Variants in RARB observed in about 807,000 individuals in gnomAD.
RARB encodes retinoic acid receptor beta, also known as HBV-activated protein.
RARB carries 17 observed loss-of-function variants against 51.9 expected under a neutral mutation model. That is an observed-to-expected ratio of 0.33 (90% CI 0.22 to 0.49). The LOEUF (loss-of-function observed/expected upper bound fraction) is 0.49. RARB is among the 20% of genes least tolerant of loss of function. RARB has a pLI of 0.99. For missense variants in RARB, 369 were observed against 550.8 expected (o/e 0.67, Z 3.30); for synonymous variants, 215 against 195.4 (o/e 1.10, Z -0.84).
At chr3:25,505,363 A>T (rs559337823) in intron 3 of RARB, among the ~76,000 whole-genome samples, 1 of 152,264 alleles carries the variant, frequency 6.6e-6, no homozygotes, top group Admixed American at 6.5e-5. Context: ...ACTCTATTTT[A>T]TTGCCAGTGG....
Position 25,256,968 on chromosome 3 carries a change from C to A in RARB, c.178+82393C>A, listed in dbSNP as rs192323667. ...ATTAGCTTTGTGCTTGACATGCTTGCCCAAAATATCATACGATAAGGACTA... is the reference window on the plus strand; with the variant it reads ...ATTAGCTTTGTGCTTGACATGCTTGACCAAAATATCATACGATAAGGACTA... On this transcript the variant is annotated intron_variant, in intron 5 of 11. Transcript: ENST00000383772. Among the ~76,000 whole-genome samples the A allele has an allele frequency of 6.0e-4, 91 of 152,120 alleles. 1 individual carries two copies. In the East Asian group the frequency reaches 0.011, roughly 19 times the overall value.
intron 1 of RARB, among the ~76,000 whole-genome samples, chr3:24,842,638 C>T (rs1702433426): frequency 6.6e-6 from 1 of 152,132 alleles, no homozygotes; most frequent in Admixed American, 6.5e-5. Context: ...TCACAATTTC[C>T]TATGAGCTTA....
At chr3:24,878,454 G>C (rs1379443908) in intron 2 of RARB, among the ~76,000 whole-genome samples, 1 of 151,892 alleles carries the variant, frequency 6.6e-6, no homozygotes, top group Non-Finnish European at 1.5e-5. Flanking sequence ...CTTATGATTT[G>C]GAGTGGGAAG....
chr3:25,048,746 A>G (rs1259776435), intron 2 of RARB, among the ~76,000 whole-genome samples: 1 of 137,480 alleles, frequency 7.3e-6, no homozygotes, highest in African/African-American at 2.7e-5. Flanking sequence ...AAAGAAATTA[A>G]GCCCACTTTT....
At chr3:25,543,074 G>A (rs890787426) in intron 3 of RARB, among the ~76,000 whole-genome samples, 2 of 152,130 alleles carry the variant, frequency 1.3e-5, no homozygotes, top group African/African-American at 4.8e-5. Context: ...TATAACACCT[G>A]GAAGAGATAC....
At chr3:24,984,963 G>A (rs1444099880) in intron 2 of RARB, among the ~76,000 whole-genome samples, 1 of 152,158 alleles carries the variant, frequency 6.6e-6, no homozygotes, top group Non-Finnish European at 1.5e-5. Context: ...TCTCCCTCCT[G>A]AAGCTCAGTT....
At chr3:25,172,095 G>A (rs1700656808) in intron 4 of RARB, among the ~76,000 whole-genome samples, 1 of 152,126 alleles carries the variant, frequency 6.6e-6, no homozygotes, top group Admixed American at 6.5e-5. Flanking sequence ...TGTAAGTTCA[G>A]CGGAGTACTA....
At chr3:25,539,554 T>C (rs920397653) in intron 3 of RARB, among the ~76,000 whole-genome samples, 3 of 145,538 alleles carry the variant, frequency 2.1e-5, no homozygotes, top group African/African-American at 7.9e-5. Context: ...TTTTTCTTTT[T>C]TTTGGCCTAT....
At position 25,494,274 on chromosome 3, in the gene RARB, C is replaced by CAT. The variant is rs1349706701; in HGVS notation, c.307-6907_307-6906insTA. The stretch of plus-strand genomic sequence containing the variant: ...TTACGCACACACACACACACACACA[C>CAT]ACACATGCCATCATTTACATCTCTG... On this transcript the variant is annotated intron_variant, in intron 2 of 7. Coordinates refer to ENST00000330688, the MANE Select transcript of RARB (RefSeq NM_000965.5). 6.0e-4 allele frequency among the ~76,000 whole-genome samples: 91 copies of CAT among 152,106 alleles called. 5 individuals carry two copies. Among genetic ancestry groups the CAT allele is most frequent in the Admixed American group, 3.9e-4 (6 of 15,280 alleles).
intron 3 of RARB, among the ~76,000 whole-genome samples, chr3:25,072,170 A>G (rs865983636): frequency 1.3e-5 from 2 of 152,220 alleles, no homozygotes; most frequent in South Asian, 2.1e-4. Flanking sequence ...TCATTGCCTC[A>G]AAATTTGCAA....
intron 5 of RARB, among the ~76,000 whole-genome samples, chr3:25,180,626 G>A (rs1700842308): frequency 6.6e-6 from 1 of 152,180 alleles, no homozygotes; most frequent in Non-Finnish European, 1.5e-5. Context: ...TCCCACAAAA[G>A]CTCTGGTGAC....
chr3:24,887,295 CCT>C (rs557551888), intron 2 of RARB, among the ~76,000 whole-genome samples: 47 of 152,306 alleles, frequency 3.1e-4, no homozygotes, highest in Middle Eastern at 3.4e-3. Flanking sequence ...TATAAGCTAT[CCT>C]CTCAATGAAA....
intron 5 of RARB, among the ~76,000 whole-genome samples, chr3:25,190,238 C>T (rs1188393941): frequency 6.6e-6 from 1 of 151,974 alleles, no homozygotes; most frequent in Non-Finnish European, 1.5e-5. Flanking sequence ...TCTCTCTGGA[C>T]ATAGGAACAG....
At chr3:25,078,826 C>T (rs566690010) in intron 3 of RARB, among the ~76,000 whole-genome samples, 4 of 152,238 alleles carry the variant, frequency 2.6e-5, no homozygotes, top group South Asian at 2.1e-4. Context: ...CCATGGCACC[C>T]GGCTGAACTT....
At chr3:25,091,745 A>T (rs1559463087) in intron 3 of RARB, among the ~76,000 whole-genome samples, 1 of 152,168 alleles carries the variant, frequency 6.6e-6, no homozygotes, top group Non-Finnish European at 1.5e-5. Context: ...ATCTGTATAA[A>T]AAAAGACAAA....
intron 5 of RARB, among the ~76,000 whole-genome samples, chr3:25,319,311 A>G (rs2125438348): frequency 1.3e-5 from 2 of 152,294 alleles, no homozygotes; most frequent in East Asian, 3.9e-4. Context: ...TGCCCACATA[A>G]TAACTAAATC....
chr3:25,207,451 T>C (rs1701579160), intron 5 of RARB, among the ~76,000 whole-genome samples: 1 of 152,248 alleles, frequency 6.6e-6, no homozygotes, highest in Admixed American at 6.5e-5. Context: ...GCTGCTTATA[T>C]ATTCTGAATA....
rs565966510 is a variant in RARB at position 25,086,045 on chromosome 3, ATTAG to A, written c.-328+25873_-328+25876del. Among the ~76,000 whole-genome samples, 410 of 152,268 alleles carry A rather than the reference ATTAG, an allele frequency of 2.7e-3. 1 individual carries two copies. Among genetic ancestry groups the A allele is most frequent in the African/African-American group, 9.6e-3 (399 of 41,550 alleles). On this transcript the variant is annotated intron_variant, in intron 3 of 11. Transcript: ENST00000383772. ...GGCTTTGCCATTCTCTATATCCCTG[ATTAG>A]TTAATGTGGTCACTATGGGTTCACT...
chr3:25,344,879 T>C (rs1010565350), intron 5 of RARB, among the ~76,000 whole-genome samples: 1 of 152,116 alleles, frequency 6.6e-6, no homozygotes, highest in Admixed American at 6.6e-5. Flanking sequence ...CTAGAGAGAG[T>C]GGAAAGTTTT....
Sources: allele counts gnomAD v4.1 joint callset (sites outside exome capture counted in the v4.1 genomes callset), GRCh38; gene constraint gnomAD v4.1.1; transcripts MANE v1.5; gene names NCBI Gene and HGNC (gene_info 2026-07-23, HGNC 2026-07-21).